The following PTPRO variants were observed in gnomAD, a reference collection of about 807,000 sequenced individuals.
PTPRO encodes the protein receptor-type tyrosine-protein phosphatase O.
In PTPRO, 62 loss-of-function variants were observed where a neutral mutation model predicts 145.2. The observed-to-expected ratio is 0.43, with a 90% CI of 0.35 to 0.53. PTPRO has a LOEUF of 0.53. PTPRO is among the 20% of genes least tolerant of loss of function. The pLI is 0.01. For synonymous variants in PTPRO, 565 were observed against 514.7 expected (o/e 1.10, Z -1.32); for missense variants, 1,345 against 1,482.7 (o/e 0.91, Z 1.53).
In PTPRO at chr12:15,565,646, T is replaced by C. The variant is rs770704400; in HGVS notation, c.2747+18T>C. On this transcript the variant is annotated intron_variant, in intron 18 of 26. Transcript: ENST00000281171. ...CTGACAAAGTAAGTTTTTCTTACTA[T>C]GTCATTTAAAAGGATGTTTGTTATA... is the stretch of plus-strand genomic sequence containing the variant. The C allele has an allele frequency of 2.1e-6, 3 of 1,405,518 alleles. No homozygotes were observed. Among genetic ancestry groups the C allele is most frequent in the African/African-American group, 1.4e-5 (1 of 70,566 alleles). 87.1% of individuals were successfully genotyped at this position (1,405,518 alleles called of 1,614,324 possible).
chr12:15,438,278 A>G lies in PTPRO; in HGVS notation c.76-45696A>G, dbSNP rs530302555. Among the ~76,000 whole-genome samples, 58 of 152,298 alleles carry G rather than the reference A, an allele frequency of 3.8e-4. No individual in the cohort carries two copies. In the South Asian group the frequency reaches 4.6e-3, roughly 12 times the overall value. ...TGTCTCCAGGTGAGAAGCAACCAGC[A>G]CAAGAATTCTAGCACCATGAAAAAA... On this transcript the variant is annotated intron_variant, in intron 1 of 26. Transcript: ENST00000281171.
chr12:15,382,949 TATC>T (rs1170295102), intron 1 of PTPRO, among the ~76,000 whole-genome samples: 2 of 152,234 alleles, frequency 1.3e-5, no homozygotes, highest in East Asian at 1.9e-4. Context: ...TGCACACACT[TATC>T]ATTTCTTTGT....
Position 15,597,959 on chromosome 12 carries a change from G to A in PTPRO, c.*1886G>A, listed in dbSNP as rs1195800431. Among the ~76,000 whole-genome samples, 1 of 152,210 alleles carries A rather than the reference G, an allele frequency of 6.6e-6. No homozygotes were observed. Among genetic ancestry groups the A allele is most frequent in the Admixed American group, 6.5e-5 (1 of 15,286 alleles). On this transcript the variant is annotated 3_prime_UTR_variant, in exon 27 of 27. Coordinates refer to ENST00000281171, the MANE Select transcript of PTPRO (RefSeq NM_030667.3). ...CCTTGGAAGAGCTGATACAATGTAT[G>A]GTAAGCTGAAGTACGTTTCCAACAC...
At chr12:15,434,219 C>T (rs1940533005) in intron 1 of PTPRO, among the ~76,000 whole-genome samples, 1 of 152,078 alleles carries the variant, frequency 6.6e-6, no homozygotes, top group Non-Finnish European at 1.5e-5. Flanking sequence ...TTAAACTTGC[C>T]TTTTTAGTTG....
chr12:15,427,527 AT>A (rs1940317165), intron 1 of PTPRO, among the ~76,000 whole-genome samples: 1 of 151,724 alleles, frequency 6.6e-6, no homozygotes, highest in African/African-American at 2.4e-5. Context: ...TCTTAGTCAT[AT>A]CTATGAAAAC....
chr12:15,502,349 G>A (rs1272417289), intron 5 of PTPRO, among the ~76,000 whole-genome samples: 2 of 152,004 alleles, frequency 1.3e-5, no homozygotes, highest in Non-Finnish European at 2.9e-5. Context: ...AGAACAATGA[G>A]GAAAACATCA....
intron 1 of PTPRO, among the ~76,000 whole-genome samples, chr12:15,457,343 C>A (rs1304875181): frequency 6.6e-6 from 1 of 152,176 alleles, no homozygotes; most frequent in Non-Finnish European, 1.5e-5. Flanking sequence ...CTAATAAACT[C>A]CCTTTCATAT....
chr12:15,549,402 G>T (rs1943393611), intron 14 of PTPRO, among the ~76,000 whole-genome samples, 176 bp downstream of exon 14: 2 of 151,952 alleles, frequency 1.3e-5, no homozygotes. Context: ...TGGTGCCTCT[G>T]AGCTTTTCTT....
rs1050635183 is a variant in PTPRO at position 15,322,556 on chromosome 12, C to T, written c.-171C>T. The stretch of plus-strand genomic sequence containing the variant: ...TGGCACGTTCTTGGAGGACCCCGGG[C>T]GCAGAGGAGGAAAGGGAGCAGGCGC... On this transcript the variant is annotated 5_prime_UTR_variant, in exon 1 of 27. Transcript: ENST00000281171. This position sits in a 1 kb window ranked among gnomAD's most constrained non-coding sequence, Gnocchi z 6.3. 1.5e-6 allele frequency: 1 copy of T among 677,724 alleles called. No individual in the cohort carries two copies. Among genetic ancestry groups the T allele is most frequent in the Non-Finnish European group, 2.7e-6 (1 of 371,754 alleles). The allele number at this position is 677,724 out of a possible 1,614,324, so 42.0% of individuals were successfully genotyped here.
chr12:15,413,710 G>A (rs1591789978), intron 1 of PTPRO, among the ~76,000 whole-genome samples: 1 of 152,206 alleles, frequency 6.6e-6, no homozygotes, highest in African/African-American at 2.4e-5. Context: ...AGCTACTTGG[G>A]AGACTGAGGC....
chr12:15,475,733 T>C (rs1480615935), intron 1 of PTPRO, among the ~76,000 whole-genome samples: 1 of 152,158 alleles, frequency 6.6e-6, no homozygotes, highest in Non-Finnish European at 1.5e-5. Flanking sequence ...CACTAAGCAT[T>C]TAATGAATAA....
chr12:15,405,221 C>G (rs964620394), intron 1 of PTPRO, among the ~76,000 whole-genome samples: 5 of 152,314 alleles, frequency 3.3e-5, no homozygotes, highest in African/African-American at 9.6e-5. Flanking sequence ...AAATAAGTTT[C>G]ATTGCTTTAT....
intron 17 of PTPRO, among the ~76,000 whole-genome samples, chr12:15,561,773 G>T (rs577089294): frequency 6.6e-6 from 1 of 152,026 alleles, no homozygotes; most frequent in African/African-American, 2.4e-5. Flanking sequence ...TACCCATAAA[G>T]TATCCCAGAT....
At chr12:15,351,365 G>C (rs1044289281) in intron 1 of PTPRO, among the ~76,000 whole-genome samples, 1 of 152,120 alleles carries the variant, frequency 6.6e-6, no homozygotes, top group Non-Finnish European at 1.5e-5. Context: ...AGTGATTTTA[G>C]TGGGGCTGTC....
chr12:15,409,059 T>A (rs972842285), intron 1 of PTPRO, among the ~76,000 whole-genome samples: 7 of 152,002 alleles, frequency 4.6e-5, no homozygotes, highest in African/African-American at 1.7e-4. Context: ...TTCTGTATTA[T>A]CCTATAATTA....
chr12:15,557,575 G>T, intron 16 of PTPRO, 52 bp downstream of exon 16: 1 of 1,538,752 alleles, frequency 6.5e-7, no homozygotes, highest in Non-Finnish European at 9.0e-7. Context: ...TGCTGTGTGT[G>T]CTCCAAAGTC....
intron 1 of PTPRO, among the ~76,000 whole-genome samples, chr12:15,343,602 C>T (rs531902489): frequency 2.5e-4 from 38 of 152,220 alleles, no homozygotes; most frequent in South Asian, 1.2e-3. Flanking sequence ...ATGGGAGAAT[C>T]GCTTGAGCAC....
At chr12:15,525,270 T>C (rs112721676) in intron 11 of PTPRO, among the ~76,000 whole-genome samples, 11 of 152,232 alleles carry the variant, frequency 7.2e-5, no homozygotes, top group Admixed American at 2.0e-4. Context: ...GTGTTTCCCA[T>C]TTTTTCCCAT....
chr12:15,487,852 G>A (rs1050669682), intron 2 of PTPRO, among the ~76,000 whole-genome samples: 10 of 152,156 alleles, frequency 6.6e-5, no homozygotes, highest in Admixed American at 2.0e-4. Flanking sequence ...ATAGCTCTAT[G>A]TAGCTAATAG....
Sources: allele counts gnomAD v4.1 joint callset (sites outside exome capture counted in the v4.1 genomes callset), GRCh38; gene constraint gnomAD v4.1.1; non-coding constraint Gnocchi (gnomAD v3.1); transcripts MANE v1.5; gene names NCBI Gene and HGNC (gene_info 2026-07-23, HGNC 2026-07-21).